SLC38A1: variants seen among roughly 807,000 people sequenced by gnomAD.
SLC38A1 encodes sodium-coupled neutral amino acid symporter 1.
In SLC38A1, 18 loss-of-function variants were observed where a neutral mutation model predicts 60.3. The observed-to-expected ratio is 0.30, with a 90% CI of 0.21 to 0.44. The LOEUF (loss-of-function observed/expected upper bound fraction) is 0.44. SLC38A1 is among the 20% of genes least tolerant of loss of function. SLC38A1 has a pLI of 1.00. For synonymous variants in SLC38A1, 196 were observed against 212.1 expected, an observed-to-expected ratio of 0.92 and a Z score of 0.66; for missense variants, 448 against 587.2, an observed-to-expected ratio of 0.76 and a Z score of 2.45.
chr12:46,221,513 C>T (rs1423927556), intron 5 of SLC38A1, among the ~76,000 whole-genome samples: 1 of 152,158 alleles, frequency 6.6e-6, no homozygotes, highest in African/African-American at 2.4e-5. Flanking sequence ...TGAACTAAAC[C>T]TTTCAGTTGA....
rs540343738 is a variant in SLC38A1, at chr12:46,194,588, T to A, written c.1362+3132A>T. On this transcript the variant is annotated intron_variant, in intron 16 of 16. Coordinates refer to ENST00000398637, the MANE Select transcript of SLC38A1 (RefSeq NM_030674.4). ...GAACACCAGTCAAACGTATATTTGG[T>A]CTTTTCACATAGTCCCATATTTCTT... Among the ~76,000 whole-genome samples the A allele has an allele frequency of 7.2e-5, 11 of 152,368 alleles. No individual in the cohort carries two copies. In the East Asian group the frequency reaches 2.1e-3, roughly 29 times the overall value.
rs563321535 is a variant in SLC38A1 at position 46,211,594 on chromosome 12, C to T, written c.315-2467G>A. On this transcript the variant is annotated intron_variant, in intron 5 of 16. Transcript: ENST00000398637. ...GTGTTGAATCTCTTTGCAGATGATG[C>T]TCAGTGGCATCTGGCCCTTTGAGCA... Among the ~76,000 whole-genome samples, 175 of 152,330 alleles carry T rather than the reference C, an allele frequency of 1.1e-3. 1 individual carries two copies. The highest frequency in any genetic ancestry group is 4.0e-3 in the African/African-American group (168 of 41,562).
At chr12:46,189,157 C>T in intron 16 of SLC38A1, 86 bp from the exon 17 acceptor site, 1 of 941,904 alleles carries the variant, frequency 1.1e-6, no homozygotes, top group Non-Finnish European at 1.7e-6. Context: ...AACAGTTTTT[C>T]CTCTCCCTTT....
chr12:46,233,209 G>A (rs1207698067), intron 3 of SLC38A1, among the ~76,000 whole-genome samples: 2 of 152,038 alleles, frequency 1.3e-5, no homozygotes, highest in Non-Finnish European at 2.9e-5. Context: ...ATTGTGTAGG[G>A]ATGGAGTCTT....
At chr12:46,217,567 T>C (rs1441340731) in intron 5 of SLC38A1, among the ~76,000 whole-genome samples, 1 of 152,218 alleles carries the variant, frequency 6.6e-6, no homozygotes, top group Non-Finnish European at 1.5e-5. Flanking sequence ...AACCCCTTTT[T>C]AGGGGAGAGT....
intron 16 of SLC38A1, among the ~76,000 whole-genome samples, chr12:46,192,285 A>T (rs1465514850): frequency 1.3e-5 from 2 of 152,222 alleles, no homozygotes; most frequent in Non-Finnish European, 2.9e-5. Flanking sequence ...GATGAAGCTG[A>T]CTTGATCATA....
At chr12:46,224,566 G>A (rs1314024837) in intron 5 of SLC38A1, among the ~76,000 whole-genome samples, 1 of 152,174 alleles carries the variant, frequency 6.6e-6, no homozygotes, top group African/African-American at 2.4e-5. Flanking sequence ...AAAGAAGCCT[G>A]GACAGTCTTG....
intron 1 of SLC38A1, among the ~76,000 whole-genome samples, chr12:46,263,843 G>A (rs1350953965): frequency 6.6e-6 from 1 of 152,174 alleles, no homozygotes; most frequent in Admixed American, 6.5e-5. Context: ...CAAATGGTTG[G>A]TTTAGTAAAA....
intron 5 of SLC38A1, among the ~76,000 whole-genome samples, chr12:46,227,980 G>A (rs1224334252): frequency 6.6e-6 from 1 of 152,074 alleles, no homozygotes; most frequent in African/African-American, 2.4e-5. Context: ...AATCACCATA[G>A]AAATATGTTG....
intron 16 of SLC38A1, chr12:46,196,405 C>A (rs539748075): frequency 4.0e-6 from 5 of 1,262,706 alleles, no homozygotes; most frequent in Non-Finnish European, 4.3e-6. Context: ...GAAGACCCTA[C>A]TACTAGTTTC....
At chr12:46,241,544 G>C (rs1355368410) in intron 2 of SLC38A1, among the ~76,000 whole-genome samples, 1 of 152,204 alleles carries the variant, frequency 6.6e-6, no homozygotes, top group African/African-American at 2.4e-5. Context: ...CCTCAAGAAG[G>C]AGGAGAGCCA....
intron 14 of SLC38A1, 83 bp downstream of exon 14, chr12:46,198,542 G>C: frequency 2.2e-6 from 2 of 894,816 alleles, no homozygotes; most frequent in Non-Finnish European, 3.4e-6. Context: ...CCTGGGGCAG[G>C]CTTTCTCTGC....
intron 1 of SLC38A1, among the ~76,000 whole-genome samples, chr12:46,250,272 C>T (rs1399782289): frequency 1.1e-4 from 17 of 152,072 alleles, no homozygotes; most frequent in Admixed American, 2.0e-4. Context: ...AAAAGGCCTT[C>T]GACAAAATTC....
At chr12:46,232,853 C>T (rs1941126885) in intron 3 of SLC38A1, among the ~76,000 whole-genome samples, 1 of 152,062 alleles carries the variant, frequency 6.6e-6, no homozygotes, top group Admixed American at 6.5e-5. Flanking sequence ...AATACAAATG[C>T]TAGGTAAATA....
intron 16 of SLC38A1, among the ~76,000 whole-genome samples, chr12:46,191,382 G>A (rs1353764405): frequency 6.6e-6 from 1 of 152,134 alleles, no homozygotes; most frequent in Non-Finnish European, 1.5e-5. Context: ...CCTCCAGCTT[G>A]TTCTTTTTGC....
chr12:46,208,472 G>A (rs949549227), intron 6 of SLC38A1, among the ~76,000 whole-genome samples: 5 of 152,160 alleles, frequency 3.3e-5, no homozygotes, highest in Non-Finnish European at 7.4e-5. Flanking sequence ...GTTAAATGGA[G>A]TCATGTATAT....
In SLC38A1 at chr12:46,183,244, C is replaced by A. The variant is rs920127144; in HGVS notation, c.*5726G>T. On this transcript the variant is annotated 3_prime_UTR_variant, in exon 17 of 17. Transcript: ENST00000398637. ...TCACTTAAATCACCCATCTGAAATT[C>A]ATTTACAAGGTTTTTACATTAATAA... 2.6e-5 allele frequency: 4 copies of A among 151,920 alleles called. No homozygotes were observed. Among genetic ancestry groups the A allele is most frequent in the African/African-American group, 9.7e-5 (4 of 41,342 alleles). 9.4% of individuals were successfully genotyped at this position (151,920 alleles called of 1,614,324 possible).
chr12:46,188,977 C>A lies in SLC38A1; in HGVS notation c.1457G>T (p.Gly486Val), dbSNP rs1454160678. ...TCTTTTTCTCGGCGGGTTTCAGTGG[C>A]CTTCGTCACTACTCGATGAGCAGGC... is the stretch of plus-strand genomic sequence containing the variant. ...DWACSSSSDE[G>V]H The change falls in exon 17 of 17, where the codon GGC (glycine) becomes GTC (valine). Residue 486 changes from glycine to valine, a missense_variant. Physicochemically the swap from Gly to Val is moderately radical, Grantham distance 109. Transcript: ENST00000398637. The A allele has an allele frequency of 6.2e-7, 1 of 1,612,772 alleles. No homozygotes were observed. The highest frequency in any genetic ancestry group is 8.5e-7 in the Non-Finnish European group (1 of 1,179,586).
chr12:46,266,933 C>T (rs1265425283), intron 1 of SLC38A1, among the ~76,000 whole-genome samples: 1 of 152,120 alleles, frequency 6.6e-6, no homozygotes, highest in Non-Finnish European at 1.5e-5. Flanking sequence ...CACACCAGGT[C>T]AGTACCCCGG....
Sources: allele counts gnomAD v4.1 joint callset (sites outside exome capture counted in the v4.1 genomes callset), GRCh38; gene constraint gnomAD v4.1.1; transcripts MANE v1.5; gene names NCBI Gene and HGNC (gene_info 2026-07-23, HGNC 2026-07-21).